SHANK2: variants seen among roughly 807,000 people sequenced by gnomAD.
SHANK2 encodes SH3 and multiple ankyrin repeat domains 2.
In SHANK2, 43 loss-of-function variants were observed where a neutral mutation model predicts 133.7. That is an observed-to-expected ratio of 0.32 (90% CI 0.25 to 0.41). SHANK2 has a LOEUF of 0.41. Among genes scored for constraint, SHANK2 ranks in the 10% least tolerant of loss-of-function variants. The pLI, the probability that SHANK2 is intolerant of heterozygous loss-of-function variation, is 1.00. For missense variants in SHANK2, 1,994 were observed against 2,235.8 expected, an observed-to-expected ratio of 0.89 and a Z score of 2.18; for synonymous variants, 1,017 against 952.8, an observed-to-expected ratio of 1.07 and a Z score of -1.24.
intron 7 of SHANK2, 79 bp downstream of exon 7, chr11:71,094,458 G>A (rs1374364120): frequency 7.9e-6 from 11 of 1,391,960 alleles, no homozygotes; most frequent in Admixed American, 2.1e-5. Context: ...CCTAGGATGG[G>A]CACTGCGGGG....
chr11:71,234,749 T>A (rs1954803248), intron 1 of SHANK2, among the ~76,000 whole-genome samples: 1 of 152,138 alleles, frequency 6.6e-6, no homozygotes, highest in Admixed American at 6.5e-5. Flanking sequence ...CAAGGAGGGA[T>A]GAGTGACCAC....
At chr11:70,790,843 G>T (rs76225485) in intron 14 of SHANK2, among the ~76,000 whole-genome samples, 2 of 152,156 alleles carry the variant, frequency 1.3e-5, no homozygotes, top group Non-Finnish European at 2.9e-5. Context: ...TGTCACGGGC[G>T]ATGATGTGTG....
At position 70,770,048 on chromosome 11, in the gene SHANK2, C is replaced by T. The variant is rs566883842; in HGVS notation, c.1777+28395G>A. 2.6e-5 allele frequency among the ~76,000 whole-genome samples: 4 copies of T among 152,322 alleles called. No homozygotes were observed. The East Asian group carries it at 7.7e-4, about 29-fold the overall frequency. ...GTTGAGCATGTACCTTCCCAGTGGC[C>T]CACGGACAGTGTGACCTGGGCCCTC... On this transcript the variant is annotated intron_variant, in intron 14 of 25. Coordinates refer to ENST00000601538, the MANE Select transcript of SHANK2 (RefSeq NM_012309.5).
At chr11:71,193,535 G>A (rs1186829610) in intron 2 of SHANK2, among the ~76,000 whole-genome samples, 1 of 152,172 alleles carries the variant, frequency 6.6e-6, no homozygotes, top group Admixed American at 6.5e-5. Context: ...AGGCTGGAAA[G>A]AGCCACAATT....
At chr11:70,727,880 C>A (rs1946208468) in intron 14 of SHANK2, among the ~76,000 whole-genome samples, 1 of 152,156 alleles carries the variant, frequency 6.6e-6, no homozygotes, top group Non-Finnish European at 1.5e-5. Flanking sequence ...TTTACATCAA[C>A]AAAAGAAAAC....
In SHANK2 at chr11:71,092,580, C is replaced by G. The variant is rs1190088876; in HGVS notation, c.754G>C (p.Glu252Gln). ...RNQVALKTLL[E>Q]LGASPDYKDS... ...TTATAATCTGGGGATGCACCAAGCTCTAAAAGGGTCTAGGAAAAAAAAATT... is the reference window on the plus strand; with the variant it reads ...TTATAATCTGGGGATGCACCAAGCTGTAAAAGGGTCTAGGAAAAAAAAATT... Residue 252 changes from glutamate to glutamine, a missense_variant, in exon 8 of 26, where the codon GAG (glutamate) becomes CAG (glutamine). Physicochemically the swap from Glu to Gln is conservative, Grantham distance 29. Around this residue, in one of 5 missense-constraint regions of SHANK2, gnomAD observed 653 missense variants for 563.4 expected, o/e 1.16. Coordinates refer to ENST00000601538, the MANE Select transcript of SHANK2 (RefSeq NM_012309.5). 4 of 1,551,554 alleles carry G rather than the reference C, an allele frequency of 2.6e-6. No homozygotes were observed. The highest frequency in any genetic ancestry group is 1.7e-6 in the Non-Finnish European group (2 of 1,146,896).
intron 17 of SHANK2, among the ~76,000 whole-genome samples, chr11:70,576,241 G>A (rs987614325): frequency 2.6e-5 from 4 of 152,138 alleles, no homozygotes; most frequent in African/African-American, 9.7e-5. Context: ...CACGGAAGCT[G>A]CAGGTGAAGA....
In SHANK2 at chr11:70,601,365, G is replaced by A. The variant is rs542629398; in HGVS notation, c.2061+58463C>T. 6.2e-4 allele frequency among the ~76,000 whole-genome samples: 94 copies of A among 152,216 alleles called. 1 individual carries two copies. Among genetic ancestry groups the A allele is most frequent in the African/African-American group, 2.1e-3 (86 of 41,524 alleles). On this transcript the variant is annotated intron_variant, in intron 17 of 25. Transcript: ENST00000601538. ...CTTCTGAGTAGCTGGGACTACAGGC[G>A]CATGCCACCACACCCAGCTAATTTT... is the stretch of plus-strand genomic sequence containing the variant.
In SHANK2 at chr11:70,539,501, A is replaced by ACCACGCTCACTCG. The variant is rs1321273402; in HGVS notation, c.2062-36583_2062-36571dup. On this transcript the variant is annotated intron_variant, in intron 17 of 25. Transcript: ENST00000601538. ...CACAGAAAGCTCACTCGCCACGCTC[A>ACCACGCTCACTCG]CCACGCTCACTCGCCACGCTCACCA... Among the ~76,000 whole-genome samples, 68 of 137,736 alleles carry ACCACGCTCACTCG rather than the reference A, an allele frequency of 4.9e-4. 1 individual carries two copies. The highest frequency in any genetic ancestry group is 3.7e-3 in the East Asian group (15 of 4,028). The allele number at this position is 137,736 out of a possible 152,430, so 90.4% of individuals were successfully genotyped here.
intron 15 of SHANK2, 77 bp from the exon 16 acceptor site, chr11:70,661,755 C>T (rs782394961): frequency 1.2e-6 from 2 of 1,614,068 alleles, no homozygotes; most frequent in Admixed American, 1.7e-5. Flanking sequence ...CCGCCGGGGA[C>T]GTTCATCATC....
At chr11:70,907,363 G>T (rs1590819435) in intron 10 of SHANK2, among the ~76,000 whole-genome samples, 1 of 152,192 alleles carries the variant, frequency 6.6e-6, no homozygotes, top group Non-Finnish European at 1.5e-5. Context: ...GTTGTGGCCA[G>T]ATTTCACTCA....
chr11:71,056,414 T>C (rs1034360000), intron 10 of SHANK2, 67 bp downstream of exon 10: 1 of 152,020 alleles, frequency 6.6e-6, no homozygotes, highest in Admixed American at 6.6e-5. Context: ...AACACGACCG[T>C]GGAGACGCAG....
rs1019496126 is a variant in SHANK2, at chr11:70,468,659, G to C, written c.*4210C>G. 6 of 152,212 alleles carry C rather than the reference G, an allele frequency of 3.9e-5. No homozygotes were observed. The highest frequency in any genetic ancestry group is 5.9e-5 in the Non-Finnish European group (4 of 68,042). The allele number at this position is 152,212 out of a possible 1,614,324, so 9.4% of individuals were successfully genotyped here. On this transcript the variant is annotated 3_prime_UTR_variant, in exon 26 of 26. Coordinates refer to ENST00000601538, the MANE Select transcript of SHANK2 (RefSeq NM_012309.5). Reference sequence around the variant, plus strand: ...GAAACCATTGGAAGCAAAGTCTAGGGGGGTGCCAAGGTTTGGGAGAAACTA... The same window carrying C: ...GAAACCATTGGAAGCAAAGTCTAGGCGGGTGCCAAGGTTTGGGAGAAACTA...
rs530193266 is a variant in SHANK2 at position 70,748,474 on chromosome 11, G to A, written c.1778-49711C>T. Among the ~76,000 whole-genome samples the A allele has an allele frequency of 3.3e-5, 5 of 152,292 alleles. No individual in the cohort carries two copies. In the South Asian group the frequency reaches 8.3e-4, roughly 25 times the overall value. ...TGCTCCCTGGAGGGACTGCTGGCAGGAGGGCAGGAAAAGACACTCCCTAGA... is the reference window on the plus strand; with the variant it reads ...TGCTCCCTGGAGGGACTGCTGGCAGAAGGGCAGGAAAAGACACTCCCTAGA... On this transcript the variant is annotated intron_variant, in intron 14 of 25. Transcript: ENST00000601538.
chr11:70,911,843 A>C (rs1270511294), intron 10 of SHANK2, among the ~76,000 whole-genome samples: 1 of 152,084 alleles, frequency 6.6e-6, no homozygotes, highest in African/African-American at 2.4e-5. Context: ...GCACTTTGGG[A>C]GGCAGAGGTG....
intron 17 of SHANK2, among the ~76,000 whole-genome samples, chr11:70,593,797 G>A (rs2060361284): frequency 1.3e-5 from 2 of 152,150 alleles, no homozygotes; most frequent in Non-Finnish European, 2.9e-5. Context: ...TCAGCTGGAG[G>A]GACCTATGCA....
At position 70,502,788 on chromosome 11, in the gene SHANK2, G is replaced by T; in HGVS notation, c.2197+8C>A. On this transcript the variant is annotated splice_region_variant and intron_variant, in intron 18 of 25. Transcript: ENST00000601538. The stretch of plus-strand genomic sequence containing the variant: ...CCAGGCTGGAGCTGGGCGATGTGGG[G>T]CATGTACCTTTCTTCCTGGCGGTGT... 6.2e-7 allele frequency: 1 copy of T among 1,609,084 alleles called. No individual in the cohort carries two copies. The highest frequency in any genetic ancestry group is 1.1e-5 in the South Asian group (1 of 90,410).
rs79699997 is a variant in SHANK2 at position 71,197,639 on chromosome 11, G to C, written c.-13+27058C>G. ...TGTCTGCATCTTCTGAAGAGAACCT[G>C]GCAGGCATTTTATTTATTTATTTAT... On this transcript the variant is annotated intron_variant, in intron 2 of 25. Coordinates refer to ENST00000601538, the MANE Select transcript of SHANK2 (RefSeq NM_012309.5). Among the ~76,000 whole-genome samples, 52 of 152,320 alleles carry C rather than the reference G, an allele frequency of 3.4e-4. No homozygotes were observed. In the East Asian group the frequency reaches 7.5e-3, roughly 22 times the overall value.
chr11:70,844,447 G>A (rs1948964148), intron 11 of SHANK2, among the ~76,000 whole-genome samples: 1 of 152,108 alleles, frequency 6.6e-6, no homozygotes, highest in Non-Finnish European at 1.5e-5. Context: ...AAAACGCTGG[G>A]CACGTTTCTC....
Sources: allele counts gnomAD v4.1 joint callset (sites outside exome capture counted in the v4.1 genomes callset), GRCh38; gene constraint gnomAD v4.1.1; regional missense constraint gnomAD v4.1.1; transcripts MANE v1.5; gene names NCBI Gene and HGNC (gene_info 2026-07-23, HGNC 2026-07-21).